Variants in SGPP2 observed in about 807,000 individuals in gnomAD.
SGPP2 encodes sphingosine-1-phosphate phosphatase 2, also known as sphingosine 1-phosphate phosphohydrolase 2.
A neutral mutation model predicts 33.9 loss-of-function variants in SGPP2; 30 were observed. The observed-to-expected ratio is 0.89, with a 90% confidence interval of 0.66 to 1.20. The LOEUF (loss-of-function observed/expected upper bound fraction) is 1.20. SGPP2 is among the 50% of genes most tolerant of loss of function. The probability of loss-of-function intolerance (pLI) is 0.00; values close to 1 mark genes in which losing one functional copy is unlikely to be tolerated. For missense variants in SGPP2, 458 were observed against 532.1 expected, an observed-to-expected ratio of 0.86 and a Z score of 1.37; for synonymous variants, 233 against 225.0, an observed-to-expected ratio of 1.04 and a Z score of -0.32.
chr2:222,533,272 G>C (rs556093632), intron 4 of SGPP2, among the ~76,000 whole-genome samples: 1 of 152,228 alleles, frequency 6.6e-6, no homozygotes, highest in East Asian at 1.9e-4. Flanking sequence ...CTTCCCTTTG[G>C]AGTGCCACCA....
At chr2:222,450,422 A>G (rs908255768) in intron 1 of SGPP2, among the ~76,000 whole-genome samples, 9 of 152,132 alleles carry the variant, frequency 5.9e-5, no homozygotes, top group Admixed American at 2.6e-4. Context: ...CCTTCCATCA[A>G]TTAGTTATAG....
At chr2:222,480,476 C>T (rs1698012510) in intron 2 of SGPP2, among the ~76,000 whole-genome samples, 1 of 152,104 alleles carries the variant, frequency 6.6e-6, no homozygotes, top group African/African-American at 2.4e-5. Flanking sequence ...AAGATGAAAG[C>T]CCAGGCTAAA....
chr2:222,544,151 C>A (rs917022008), intron 4 of SGPP2, among the ~76,000 whole-genome samples: 3 of 152,168 alleles, frequency 2.0e-5, no homozygotes, highest in African/African-American at 2.4e-5. Flanking sequence ...CTATTATTAT[C>A]CCATTTCTAC....
chr2:222,549,060 C>T (rs1158221085), intron 4 of SGPP2, among the ~76,000 whole-genome samples: 3 of 152,200 alleles, frequency 2.0e-5, no homozygotes, highest in Non-Finnish European at 4.4e-5. Flanking sequence ...TGGGTCTTGG[C>T]TTTTACTCTG....
intron 2 of SGPP2, among the ~76,000 whole-genome samples, chr2:222,480,859 ACCTAAATG>A (rs1031397804): frequency 6.6e-6 from 1 of 152,242 alleles, no homozygotes; most frequent in African/African-American, 2.4e-5. Flanking sequence ...CATGGAATTA[ACCTAAATG>A]CCCATCAATA....
chr2:222,547,025 C>T (rs1689213043), intron 4 of SGPP2, among the ~76,000 whole-genome samples: 1 of 151,998 alleles, frequency 6.6e-6, no homozygotes, highest in South Asian at 2.1e-4. Context: ...AACAAACTTC[C>T]CAGGAGACCT....
chr2:222,424,251 T>A (rs913505560), upstream of SGPP2, among the ~76,000 whole-genome samples: 1 of 95,360 alleles, frequency 1.0e-5, no homozygotes, highest in African/African-American at 4.1e-5. Context: ...GTGTTACGTC[T>A]GCCGGGGGAA....
At chr2:222,546,896 G>C (rs1387597162) in intron 4 of SGPP2, among the ~76,000 whole-genome samples, 1 of 151,630 alleles carries the variant, frequency 6.6e-6, no homozygotes, top group Non-Finnish European at 1.5e-5. Flanking sequence ...GCTCACATTG[G>C]CCTCTGTGAT....
chr2:222,430,416 A>T (rs1697136673), intron 1 of SGPP2, among the ~76,000 whole-genome samples: 1 of 152,208 alleles, frequency 6.6e-6, no homozygotes, highest in Non-Finnish European at 1.5e-5. Context: ...TTTTACCTTA[A>T]TTTTCTTAAA....
At chr2:222,424,302 G>C (rs1188326549), upstream of SGPP2, among the ~76,000 whole-genome samples, 1 of 152,008 alleles carries the variant, frequency 6.6e-6, no homozygotes, top group Non-Finnish European at 1.5e-5. Context: ...GAGAAGAGAG[G>C]CGCAGTTCGG....
intron 1 of SGPP2, among the ~76,000 whole-genome samples, chr2:222,463,899 T>C (rs534476993): frequency 6.6e-5 from 10 of 152,240 alleles, no homozygotes; most frequent in African/African-American, 2.4e-4. Context: ...TGAAGGGAGG[T>C]AGGGATGGGT....
At chr2:222,458,662 G>A (rs1697609282) in intron 1 of SGPP2, among the ~76,000 whole-genome samples, 1 of 152,076 alleles carries the variant, frequency 6.6e-6, no homozygotes, top group Non-Finnish European at 1.5e-5. Flanking sequence ...CACATGCCAT[G>A]CAATTTACCT....
chr2:222,559,001 A>C lies in SGPP2; in HGVS notation c.*103A>C. ...AACTTATTTTTCTTTAACAACAACAAAAAGTCATACGGCTGTCTTGCTACT... is the reference window on the plus strand; with the variant it reads ...AACTTATTTTTCTTTAACAACAACACAAAGTCATACGGCTGTCTTGCTACT... On this transcript the variant is annotated 3_prime_UTR_variant, in exon 5 of 5. Transcript: ENST00000321276. The C allele has an allele frequency of 8.7e-7, 1 of 1,149,684 alleles. No homozygotes were observed. Among genetic ancestry groups the C allele is most frequent in the Non-Finnish European group, 1.2e-6 (1 of 811,284 alleles). The allele number at this position is 1,149,684 out of a possible 1,614,324, so 71.2% of individuals were successfully genotyped here.
In SGPP2 at chr2:222,477,126, T is replaced by C. The variant is rs573196835; in HGVS notation, c.378+2400T>C. Among the ~76,000 whole-genome samples, 7 of 149,710 alleles carry C rather than the reference T, an allele frequency of 4.7e-5. No individual in the cohort carries two copies. The highest frequency in any genetic ancestry group is 1.3e-4 in the Admixed American group (2 of 15,012). On this transcript the variant is annotated intron_variant, in intron 2 of 4. Coordinates refer to ENST00000321276, the MANE Select transcript of SGPP2 (RefSeq NM_152386.4). The surrounding 1 kb of genome is among the most constrained non-coding windows in gnomAD (Gnocchi z 6.0). Reference sequence around the variant, plus strand: ...ATATAGGTGTGTATATATGTGTATGTGTGTGTATATAGGTGTGTATATATC... The same window carrying C: ...ATATAGGTGTGTATATATGTGTATGCGTGTGTATATAGGTGTGTATATATC...
At chr2:222,530,765 C>T (rs759638289) in intron 4 of SGPP2, among the ~76,000 whole-genome samples, 39 of 152,322 alleles carry the variant, frequency 2.6e-4, no homozygotes, top group Middle Eastern at 3.4e-3. Flanking sequence ...AAGAACTTTT[C>T]CATTCCATTC....
chr2:222,490,738 C>G (rs1451043096), intron 2 of SGPP2, among the ~76,000 whole-genome samples: 2 of 151,912 alleles, frequency 1.3e-5, no homozygotes. Context: ...AGCCACTTTA[C>G]CCAGCAGTTA....
At chr2:222,490,604 A>T (rs1698181894) in intron 2 of SGPP2, among the ~76,000 whole-genome samples, 2 of 115,436 alleles carry the variant, frequency 1.7e-5, no homozygotes, top group Admixed American at 1.0e-4. Flanking sequence ...CACCTGGCTA[A>T]TTTTTTTTTT....
At chr2:222,458,530 T>C (rs768770773) in intron 1 of SGPP2, among the ~76,000 whole-genome samples, 13 of 152,204 alleles carry the variant, frequency 8.5e-5, no homozygotes, top group Non-Finnish European at 1.3e-4. Flanking sequence ...GAGATGGCCT[T>C]TAATGCATCC....
At chr2:222,452,370 C>A in intron 1 of SGPP2, 1 of 723,390 alleles carries the variant, frequency 1.4e-6, no homozygotes, top group South Asian at 1.4e-5. Flanking sequence ...TGCCCAGAGT[C>A]AAATTGAGTA....
Sources: allele counts gnomAD v4.1 joint callset (sites outside exome capture counted in the v4.1 genomes callset), GRCh38; gene constraint gnomAD v4.1.1; non-coding constraint Gnocchi (gnomAD v3.1); transcripts MANE v1.5; gene names NCBI Gene and HGNC (gene_info 2026-07-23, HGNC 2026-07-21).